The following CNTN5 variants were observed in gnomAD, a reference collection of about 807,000 sequenced individuals.
CNTN5 encodes the protein contactin 5, also known as contactin-5.
In CNTN5, 77 loss-of-function variants were observed where a neutral mutation model predicts 129.1. The observed-to-expected ratio is 0.60, with a 90% CI of 0.50 to 0.72. The LOEUF (loss-of-function observed/expected upper bound fraction) is 0.72, where lower values mean the gene tolerates loss of function less well. Ranked by LOEUF, CNTN5 falls within the 30% of genes least tolerant of loss-of-function variation. CNTN5 has a pLI of 0.00. For synonymous variants in CNTN5, 509 were observed against 465.6 expected, an observed-to-expected ratio of 1.09 and a Z score of -1.20; for missense variants, 1,478 against 1,328.8, an observed-to-expected ratio of 1.11 and a Z score of -1.75.
In CNTN5 at chr11:99,315,584, ATTACT is replaced by A. The variant is rs549036447; in HGVS notation, c.-209-9758_-209-9754del. On this transcript the variant is annotated intron_variant, in intron 1 of 24. Transcript: ENST00000524871. ...AAAAAATAAGTAATTGACAAGGAAC[ATTACT>A]TTATATTTTGTGTTGTTTTATTTCG... Among the ~76,000 whole-genome samples, 721 of 149,794 alleles carry A rather than the reference ATTACT, an allele frequency of 4.8e-3. 57 individuals carry two copies. The highest frequency in any genetic ancestry group is 8.5e-3 in the Non-Finnish European group (567 of 66,804).
At chr11:99,787,663 G>T (rs910253510) in intron 3 of CNTN5, among the ~76,000 whole-genome samples, 5 of 152,014 alleles carry the variant, frequency 3.3e-5, no homozygotes, top group African/African-American at 1.2e-4. Flanking sequence ...TTATTTCAAA[G>T]AAGAAAAATA....
chr11:99,699,018 A>G (rs1026169241), intron 3 of CNTN5, among the ~76,000 whole-genome samples: 2 of 151,384 alleles, frequency 1.3e-5, no homozygotes, highest in African/African-American at 4.8e-5. Flanking sequence ...TGCAAAGAGA[A>G]GTTCATAGGG....
At chr11:99,168,581 A>AAACAAAACAC (rs1860997150) in intron 1 of CNTN5, among the ~76,000 whole-genome samples, 1 of 150,918 alleles carries the variant, frequency 6.6e-6, no homozygotes, top group Non-Finnish European at 1.5e-5. Flanking sequence ...CTCCATCTCA[A>AAACAAAACAC]AACAAAACAA....
intron 3 of CNTN5, among the ~76,000 whole-genome samples, chr11:99,797,648 G>T (rs577207485): frequency 6.6e-6 from 1 of 152,098 alleles, no homozygotes; most frequent in Non-Finnish European, 1.5e-5. Flanking sequence ...TTGTTAATCT[G>T]TTTTAAGTAC....
intron 1 of CNTN5, among the ~76,000 whole-genome samples, chr11:99,228,270 G>A (rs1860797380): frequency 6.6e-6 from 1 of 152,116 alleles, no homozygotes; most frequent in Admixed American, 6.6e-5. Context: ...TGCAGGTAGA[G>A]AGTGGATGCA....
At chr11:100,120,285 G>A (rs1252526910) in intron 13 of CNTN5, among the ~76,000 whole-genome samples, 2 of 151,814 alleles carry the variant, frequency 1.3e-5, no homozygotes, top group Admixed American at 1.3e-4. Context: ...TGCTCTCCGG[G>A]GAAGTTATCC....
chr11:99,376,223 T>C (rs1940173322), intron 2 of CNTN5, among the ~76,000 whole-genome samples: 1 of 152,158 alleles, frequency 6.6e-6, no homozygotes. Context: ...ACCCAATGTA[T>C]CAATGACCTT....
chr11:99,202,192 T>C (rs1859242807), intron 1 of CNTN5, among the ~76,000 whole-genome samples: 2 of 152,230 alleles, frequency 1.3e-5, no homozygotes, highest in African/African-American at 4.8e-5. Context: ...CTGAGCCAAT[T>C]ACTCATCTAA....
intron 17 of CNTN5, among the ~76,000 whole-genome samples, chr11:100,260,926 G>T (rs1950181865): frequency 6.6e-6 from 1 of 152,146 alleles, no homozygotes; most frequent in Non-Finnish European, 1.5e-5. Context: ...ATTAAAAATA[G>T]TATCGGAAGT....
intron 3 of CNTN5, among the ~76,000 whole-genome samples, chr11:99,750,570 C>G (rs577246472): frequency 6.6e-6 from 1 of 151,356 alleles, no homozygotes; most frequent in Non-Finnish European, 1.5e-5. Context: ...ACCACTCTTA[C>G]CTCCTCTGTA....
At chr11:99,997,907 CAT>C (rs1325481579) in intron 8 of CNTN5, among the ~76,000 whole-genome samples, 6 of 152,156 alleles carry the variant, frequency 3.9e-5, no homozygotes, top group Non-Finnish European at 2.9e-5. Context: ...ACAAAAACCA[CAT>C]GATTATCTCA....
intron 3 of CNTN5, among the ~76,000 whole-genome samples, chr11:99,678,327 A>T (rs752776187): frequency 2.0e-5 from 3 of 150,854 alleles, no homozygotes; most frequent in Non-Finnish European, 2.9e-5. Context: ...ACAAAGAAGG[A>T]TTATATACTC....
chr11:99,544,502 C>T (rs1948226159), intron 2 of CNTN5, among the ~76,000 whole-genome samples: 5 of 152,144 alleles, frequency 3.3e-5, no homozygotes, highest in Admixed American at 2.6e-4. Context: ...AGAACTGAGT[C>T]AGGGATTGAA....
intron 1 of CNTN5, among the ~76,000 whole-genome samples, chr11:99,093,307 T>A (rs1321943059): frequency 6.6e-6 from 1 of 152,118 alleles, no homozygotes; most frequent in African/African-American, 2.4e-5. Context: ...CAAGGGCATT[T>A]CTCTATGATC....
chr11:100,071,926 T>C, intron 12 of CNTN5, 92 bp downstream of exon 12: 1 of 1,147,990 alleles, frequency 8.7e-7, no homozygotes. Context: ...ATGATGTGGT[T>C]GTAAAAATCT....
chr11:100,114,829 T>A (rs1348595119), intron 13 of CNTN5, among the ~76,000 whole-genome samples: 1 of 152,148 alleles, frequency 6.6e-6, no homozygotes, highest in Non-Finnish European at 1.5e-5. Flanking sequence ...CCAGTCACTA[T>A]GCTTAGTGCT....
At position 99,458,073 on chromosome 11, in the gene CNTN5, A is replaced by C. The variant is rs149721348; in HGVS notation, c.-70-98072A>C. Among the ~76,000 whole-genome samples, 711 of 152,080 alleles carry C rather than the reference A, an allele frequency of 4.7e-3. 9 individuals carry two copies. Among genetic ancestry groups the C allele is most frequent in the African/African-American group, 0.016 (671 of 41,570 alleles). On this transcript the variant is annotated intron_variant, in intron 2 of 24. Transcript: ENST00000524871. ...ATCAAAACTATATACATTTATATTT[A>C]AATTGTGACAAATTAATAACAAAGT...
chr11:99,031,860 C>T (rs1472133141), intron 1 of CNTN5, among the ~76,000 whole-genome samples: 2 of 150,954 alleles, frequency 1.3e-5, no homozygotes, highest in South Asian at 2.1e-4. Context: ...TGGTGCGCTG[C>T]ACCCATTAAC....
At chr11:99,956,540 A>G (rs1950806583) in intron 7 of CNTN5, among the ~76,000 whole-genome samples, 1 of 152,182 alleles carries the variant, frequency 6.6e-6, no homozygotes, top group South Asian at 2.1e-4. Context: ...CATAGTTCTG[A>G]GTACCTAAAA....
Sources: gnomAD v4.1 joint callset for allele counts (sites outside exome capture counted in the v4.1 genomes callset) on GRCh38, gnomAD v4.1.1 for gene constraint, MANE v1.5 for transcripts, NCBI Gene and HGNC (gene_info 2026-07-23, HGNC 2026-07-21) for gene names.